Variants in DCC observed in about 807,000 individuals in gnomAD.
DCC encodes netrin receptor DCC.
DCC carries 58 observed loss-of-function variants against 172.5 expected under a neutral mutation model. That is an observed-to-expected ratio of 0.34 (90% CI 0.27 to 0.42). The LOEUF (loss-of-function observed/expected upper bound fraction) is 0.42. Among genes scored for constraint, DCC ranks in the 10% least tolerant of loss-of-function variants. DCC has a pLI of 1.00. For synonymous variants in DCC, 709 were observed against 644.5 expected (o/e 1.10, Z -1.52); for missense variants, 1,740 against 1,791.0 (o/e 0.97, Z 0.51).
intron 2 of DCC, among the ~76,000 whole-genome samples, chr18:52,764,088 G>A (rs1156624574): frequency 2.0e-5 from 3 of 152,094 alleles, no homozygotes; most frequent in Non-Finnish European, 2.9e-5. Context: ...TTAATCAAAC[G>A]GTATGAACAT....
At chr18:52,715,368 C>G (rs376251609) in intron 1 of DCC, among the ~76,000 whole-genome samples, 25 of 149,882 alleles carry the variant, frequency 1.7e-4, no homozygotes, top group African/African-American at 5.1e-4. Context: ...GGCATGATAT[C>G]AGCTCACTGC....
chr18:53,108,178 G>GC (rs2043278019), intron 7 of DCC, among the ~76,000 whole-genome samples: 1 of 5,100 alleles, frequency 2.0e-4, no homozygotes, highest in Admixed American at 4.2e-3. Flanking sequence ...GACATACACA[G>GC]AAAAACACAC....
chr18:52,861,408 G>T (rs945778389), intron 2 of DCC, among the ~76,000 whole-genome samples: 3 of 152,162 alleles, frequency 2.0e-5, no homozygotes, highest in Non-Finnish European at 2.9e-5. Context: ...AAAATAACTA[G>T]TACCCACAAG....
chr18:53,464,699 C>T (rs560192252), intron 24 of DCC, among the ~76,000 whole-genome samples: 1 of 151,286 alleles, frequency 6.6e-6, no homozygotes, highest in East Asian at 1.9e-4. Context: ...ACTATGTTAC[C>T]ACCGGGAGCT....
At chr18:52,761,685 C>G (rs1466940679) in intron 2 of DCC, among the ~76,000 whole-genome samples, 1 of 152,016 alleles carries the variant, frequency 6.6e-6, no homozygotes, top group Non-Finnish European at 1.5e-5. Context: ...TCTTAGTGCT[C>G]TAGCCCAGAG....
At position 52,394,565 on chromosome 18, in the gene DCC, C is replaced by G. The variant is rs77307980; in HGVS notation, c.91+53687C>G. ...TCGCTGAGATTACAGGTGTGAGCCA[C>G]CACACCTAGCCTCAGATTTGTAATT... On this transcript the variant is annotated intron_variant, in intron 1 of 28. Coordinates refer to ENST00000442544, the MANE Select transcript of DCC (RefSeq NM_005215.4). Among the ~76,000 whole-genome samples, 3 of 152,086 alleles carry G rather than the reference C, an allele frequency of 2.0e-5. No individual in the cohort carries two copies. In the South Asian group the frequency reaches 6.2e-4, roughly 32 times the overall value.
At chr18:52,837,057 C>G (rs953217499) in intron 2 of DCC, among the ~76,000 whole-genome samples, 1 of 152,178 alleles carries the variant, frequency 6.6e-6, no homozygotes, top group Non-Finnish European at 1.5e-5. Flanking sequence ...GATGCCATGG[C>G]CCAAGCTGTA....
chr18:53,214,483 G>A (rs553305900), intron 11 of DCC, among the ~76,000 whole-genome samples: 3 of 152,110 alleles, frequency 2.0e-5, no homozygotes, highest in African/African-American at 7.2e-5. Context: ...ATAAATTCAT[G>A]GTCAGATGTA....
intron 27 of DCC, among the ~76,000 whole-genome samples, chr18:53,523,867 C>T (rs897649106): frequency 2.6e-5 from 4 of 151,772 alleles, no homozygotes; most frequent in African/African-American, 9.7e-5. Flanking sequence ...CAAACCTGTA[C>T]ATTCTGCACA....
intron 1 of DCC, among the ~76,000 whole-genome samples, chr18:52,634,379 T>G (rs553338787): frequency 2.0e-4 from 30 of 152,358 alleles, no homozygotes; most frequent in African/African-American, 6.5e-4. Context: ...TTGTATGGAA[T>G]TTTTGTAAAT....
chr18:52,824,101 C>T (rs2145279027), intron 2 of DCC, among the ~76,000 whole-genome samples: 1 of 152,240 alleles, frequency 6.6e-6, no homozygotes, highest in East Asian at 1.9e-4. Flanking sequence ...TTTAAAAAGA[C>T]CTCCCTGGTT....
intron 5 of DCC, among the ~76,000 whole-genome samples, chr18:52,973,527 T>C (rs2041064429): frequency 6.6e-6 from 1 of 152,182 alleles, no homozygotes; most frequent in South Asian, 2.1e-4. Context: ...GCATCTTTCA[T>C]TTCCAGAGCT....
chr18:53,492,216 T>C (rs1418399534), intron 26 of DCC, among the ~76,000 whole-genome samples: 4 of 152,206 alleles, frequency 2.6e-5, no homozygotes, highest in African/African-American at 9.6e-5. Flanking sequence ...TATTAGTCTT[T>C]TGTCAGATGG....
chr18:52,782,929 T>C (rs1057192994), intron 2 of DCC, among the ~76,000 whole-genome samples: 2 of 152,088 alleles, frequency 1.3e-5, no homozygotes, highest in African/African-American at 4.8e-5. Flanking sequence ...AGGTAAATCA[T>C]CACTATTTGT....
At chr18:53,094,828 T>G (rs1228265170) in intron 7 of DCC, among the ~76,000 whole-genome samples, 1 of 152,132 alleles carries the variant, frequency 6.6e-6, no homozygotes, top group Non-Finnish European at 1.5e-5. Context: ...TAATTATATT[T>G]TTCTAATCTC....
intron 5 of DCC, among the ~76,000 whole-genome samples, chr18:52,988,667 TGTTTATGTGTTGTGCATATAAAACTTTA>T (rs1445825490): frequency 6.6e-6 from 1 of 152,164 alleles, no homozygotes; most frequent in Admixed American, 6.5e-5. Flanking sequence ...ATTTTACTTC[TGTTTATGTGTTGTGCATATAAAACTTTA>T]ATCTTTCTAT....
At chr18:52,595,091 A>G (rs556790588) in intron 1 of DCC, among the ~76,000 whole-genome samples, 4 of 152,332 alleles carry the variant, frequency 2.6e-5, no homozygotes, top group African/African-American at 7.2e-5. Context: ...TCCAATTCTC[A>G]TACTGGATCA....
intron 5 of DCC, among the ~76,000 whole-genome samples, chr18:52,990,650 C>T (rs947373432): frequency 6.6e-6 from 1 of 150,648 alleles, no homozygotes; most frequent in African/African-American, 2.4e-5. Context: ...GCACACAATT[C>T]TCTTACCCAC....
chr18:52,590,068 C>T (rs977964556), intron 1 of DCC, among the ~76,000 whole-genome samples: 24 of 151,894 alleles, frequency 1.6e-4, no homozygotes, highest in South Asian at 2.1e-4. Context: ...AAAGCCCATG[C>T]TTTATTAAAG....
Sources: gnomAD v4.1 joint callset for allele counts (sites outside exome capture counted in the v4.1 genomes callset) on GRCh38, gnomAD v4.1.1 for gene constraint, MANE v1.5 for transcripts, NCBI Gene and HGNC (gene_info 2026-07-23, HGNC 2026-07-21) for gene names.